The following ALPG variants were observed in gnomAD, a reference collection of about 807,000 sequenced individuals.
ALPG encodes alkaline phosphatase, germ cell, also known as alkaline phosphatase, germ cell type.
In ALPG, 32 loss-of-function variants were observed where a neutral mutation model predicts 48.6. That is an observed-to-expected ratio of 0.66 (90% CI 0.50 to 0.88). The LOEUF (loss-of-function observed/expected upper bound fraction) is 0.88. ALPG is among the 40% of genes least tolerant of loss of function. The pLI is 0.00. For synonymous variants in ALPG, 244 were observed against 308.9 expected (o/e 0.79, Z 2.20); for missense variants, 533 against 718.1 (o/e 0.74, Z 2.95).
At position 232,407,980 on chromosome 2, in the gene ALPG, A is replaced by T; in HGVS notation, c.611A>T (p.Asp204Val). Reference protein sequence around the residue: ...PASARQEGCQDIATQLISNMD... With the variant: ...PASARQEGCQVIATQLISNMD... ...TCGGCCCGCCAGGAGGGGTGCCAGGACATCGCCACGCAGCTCATCTCCAAC... is the reference window on the plus strand; with the variant it reads ...TCGGCCCGCCAGGAGGGGTGCCAGGTCATCGCCACGCAGCTCATCTCCAAC... Residue 204 changes from aspartate to valine, a missense_variant, in exon 5 of 11, where the codon GAC (aspartate) becomes GTC (valine). Physicochemically the swap from Asp to Val is radical, Grantham distance 152. Coordinates refer to ENST00000295453, the MANE Select transcript of ALPG (RefSeq NM_031313.3). 1 of 1,612,906 alleles carries T rather than the reference A, an allele frequency of 6.2e-7. No individual in the cohort carries two copies. The highest frequency in any genetic ancestry group is 8.5e-7 in the Non-Finnish European group (1 of 1,179,808).
chr2:232,406,874 G>A lies in ALPG; in HGVS notation c.-21G>A, dbSNP rs534068054. 8.7e-6 allele frequency: 14 copies of A among 1,603,452 alleles called. No individual in the cohort carries two copies. The highest frequency in any genetic ancestry group is 6.7e-5 in the East Asian group (3 of 44,842). The stretch of plus-strand genomic sequence containing the variant: ...CCATACCTGGGATTTCCGCCTCGCC[G>A]CTCTCCGACTGCTTCCAGACATGCA... On this transcript the variant is annotated 5_prime_UTR_variant, in exon 1 of 11. Coordinates refer to ENST00000295453, the MANE Select transcript of ALPG (RefSeq NM_031313.3).
chr2:232,410,403 C>CGG lies in ALPG; in HGVS notation c.*531_*532insGG. 5.9e-6 allele frequency: 1 copy of CGG among 169,836 alleles called. No individual in the cohort carries two copies. Among genetic ancestry groups the CGG allele is most frequent in the Non-Finnish European group, 1.3e-5 (1 of 79,962 alleles). The allele number at this position is 169,836 out of a possible 1,614,324, so 10.5% of individuals were successfully genotyped here. A position where few individuals can be genotyped will look rare whatever the true frequency, so the allele number is the denominator to read the frequency against. ...GGGCTTTGACACAGTCCTCTGCTGT[C>CGG]CCTCCACTGGGCTAATTCTACACCC... is the stretch of plus-strand genomic sequence containing the variant. On this transcript the variant is annotated 3_prime_UTR_variant, in exon 11 of 11. Transcript: ENST00000295453.
Position 232,407,656 on chromosome 2 carries a change from G to T in ALPG, c.363G>T (p.Gly121=), listed in dbSNP as rs1043101023. The T allele has an allele frequency of 1.2e-6, 2 of 1,613,950 alleles. No individual in the cohort carries two copies. Among genetic ancestry groups the T allele is most frequent in the African/African-American group, 1.3e-5 (1 of 75,060 alleles). Residue 121 remains glycine (G), a synonymous_variant, in exon 4 of 11, where the codon GGG becomes GGT. Transcript: ENST00000295453. ...CCACAGCCACGGCCTACCTGTGCGG[G>T]GTCAAGGGCAACTTCCAGACCATTG... ...SGATATAYLC[G]VKGNFQTIGL...
rs1339270909 is a variant in ALPG at position 232,409,414 on chromosome 2, C to G, written c.1266C>G (p.Asp422Glu). 5.9e-6 allele frequency: 9 copies of G among 1,535,098 alleles called. No homozygotes were observed. In the East Asian group the frequency reaches 2.1e-4, roughly 36 times the overall value. Reference sequence around the variant, plus strand: ...ACGGTCCAGGCTATGTGCTCAAGGACGGCGCCCGGCCGGATGTTACGGAGA... The same window carrying G: ...ACGGTCCAGGCTATGTGCTCAAGGAGGGCGCCCGGCCGGATGTTACGGAGA... The part of the protein sequence containing the change: ...YGNGPGYVLK[D>E]GARPDVTESE... Residue 422 changes from aspartate to glutamate, a missense_variant, in exon 10 of 11, where the codon GAC becomes GAG. Coordinates refer to ENST00000295453, the MANE Select transcript of ALPG (RefSeq NM_031313.3).
chr2:232,409,946 A>T lies in ALPG; in HGVS notation c.*74A>T. ...TCCCCACCTCCAGTCGTCCTGCCGG[A>T]CCTCCACCTGGAGCTGTCACCCCCG... On this transcript the variant is annotated 3_prime_UTR_variant, in exon 11 of 11. Coordinates refer to ENST00000295453, the MANE Select transcript of ALPG (RefSeq NM_031313.3). 1 of 1,466,902 alleles carries T rather than the reference A, an allele frequency of 6.8e-7. No homozygotes were observed. The highest frequency in any genetic ancestry group is 1.4e-5 in the South Asian group (1 of 71,236). The allele number at this position is 1,466,902 out of a possible 1,614,324, so 90.9% of individuals were successfully genotyped here.
rs1236965281 is a variant in ALPG at position 232,407,948 on chromosome 2, G to T, written c.579G>T (p.Val193=). The T allele has an allele frequency of 1.9e-6, 3 of 1,613,148 alleles. No homozygotes were observed. Among genetic ancestry groups the T allele is most frequent in the Admixed American group, 3.3e-5 (2 of 59,988 alleles). ...GCAACTGGTACTCGGATGCCGACGTGCCTGCCTCGGCCCGCCAGGAGGGGT... is the reference window on the plus strand; with the variant it reads ...GCAACTGGTACTCGGATGCCGACGTTCCTGCCTCGGCCCGCCAGGAGGGGT... The part of the protein sequence containing the change: ...VNRNWYSDAD[V]PASARQEGCQ... Residue 193 remains valine, a synonymous_variant, in exon 5 of 11, where the codon GTG becomes GTT. Coordinates refer to ENST00000295453, the MANE Select transcript of ALPG (RefSeq NM_031313.3).
chr2:232,410,018 C>A lies in ALPG; in HGVS notation c.*146C>A. Reference sequence around the variant, plus strand: ...GCCATGGAACCTTCCCCTCCCGGTGCACCCTGGGGACCGAGCCCTTGACAC... The same window carrying A: ...GCCATGGAACCTTCCCCTCCCGGTGAACCCTGGGGACCGAGCCCTTGACAC... On this transcript the variant is annotated 3_prime_UTR_variant, in exon 11 of 11. Transcript: ENST00000295453. The A allele has an allele frequency of 7.8e-7, 1 of 1,278,572 alleles. No homozygotes were observed. Among genetic ancestry groups the A allele is most frequent in the Non-Finnish European group, 1.0e-6 (1 of 957,226 alleles). The allele number at this position is 1,278,572 out of a possible 1,614,324, so 79.2% of individuals were successfully genotyped here. A position where few individuals can be genotyped will look rare whatever the true frequency, so the allele number is the denominator to read the frequency against.
intron 3 of ALPG, 44 bp from the exon 4 acceptor site, chr2:232,407,550 G>C (rs1697108534): frequency 2.5e-6 from 4 of 1,611,762 alleles, no homozygotes; most frequent in African/African-American, 1.3e-5. Flanking sequence ...TCAGGGTCTT[G>C]TTTGTCTGCC....
chr2:232,409,988 G>C lies in ALPG; in HGVS notation c.*116G>C. 1 of 1,404,590 alleles carries C rather than the reference G, an allele frequency of 7.1e-7. No homozygotes were observed. Among genetic ancestry groups the C allele is most frequent in the South Asian group, 1.5e-5 (1 of 67,556 alleles). The allele number at this position is 1,404,590 out of a possible 1,614,324, so 87.0% of individuals were successfully genotyped here. ...TCACCCCCGGAGTCGCCACACAGAC[G>C]TCCTGCCATGGAACCTTCCCCTCCC... On this transcript the variant is annotated 3_prime_UTR_variant, in exon 11 of 11. Coordinates refer to ENST00000295453, the MANE Select transcript of ALPG (RefSeq NM_031313.3).
rs1317319428 is a variant in ALPG at position 232,407,836 on chromosome 2, C to T, written c.476-9C>T. The T allele has an allele frequency of 6.2e-7, 1 of 1,613,520 alleles. No individual in the cohort carries two copies. Among genetic ancestry groups the T allele is most frequent in the Non-Finnish European group, 8.5e-7 (1 of 1,180,024 alleles). On this transcript the variant is annotated splice_polypyrimidine_tract_variant and intron_variant, in intron 4 of 10. Transcript: ENST00000295453. ...CTCTATCGCATATCCTGACCTCTAT[C>T]ACCCTCAGGAAAGTCAGTGGGAGTG...
rs138879395 is a variant in ALPG, at chr2:232,408,362, C to T, written c.744C>T (p.Asp248=). Residue 248 remains aspartate (D), a synonymous_variant, in exon 6 of 11, where the codon GAC becomes GAT. Transcript: ENST00000295453. ...DDYSQGGTRL[D]GKNLVQEWLA... is the part of the protein sequence containing the mutation. ...ACAGCCAAGGTGGGACCAGGCTGGA[C>T]GGGAAGAATCTGGTGCAGGAATGGC... 172 of 1,606,532 alleles carry T rather than the reference C, an allele frequency of 1.1e-4. 1 individual carries two copies. Among genetic ancestry groups the T allele is most frequent in the South Asian group, 1.0e-3 (93 of 90,706 alleles).
Position 232,410,309 on chromosome 2 carries a change from C to T in ALPG, c.*437C>T, listed in dbSNP as rs1697166114. The T allele has an allele frequency of 3.0e-5, 6 of 199,872 alleles. No homozygotes were observed. In the South Asian group the frequency reaches 5.9e-4, roughly 20 times the overall value. 12.4% of individuals were successfully genotyped at this position (199,872 alleles called of 1,614,324 possible). On this transcript the variant is annotated 3_prime_UTR_variant, in exon 11 of 11. Transcript: ENST00000295453. ...GGTGCATCAGGACGCCTTGGAGAAG[C>T]GTGGCTTCCTGCCACCCTGCAACCC...
Position 232,410,106 on chromosome 2 carries a change from T to G in ALPG, c.*234T>G. The G allele has an allele frequency of 1.5e-6, 1 of 653,580 alleles. No homozygotes were observed. Among genetic ancestry groups the G allele is most frequent in the African/African-American group, 1.8e-5 (1 of 54,258 alleles). The allele number at this position is 653,580 out of a possible 1,614,324, so 40.5% of individuals were successfully genotyped here. A position where few individuals can be genotyped will look rare whatever the true frequency, so the allele number is the denominator to read the frequency against. ...CCCAACTCCAGGGACTGGGGATTTG[T>G]GCCTGGCAGCTGCCTGCATTTCAGG... On this transcript the variant is annotated 3_prime_UTR_variant, in exon 11 of 11. Transcript: ENST00000295453.
In ALPG at chr2:232,409,638, C is replaced by G; in HGVS notation, c.1365C>G (p.Asp455Glu). Residue 455 changes from aspartate (D) to glutamate (E), a missense_variant, in exon 11 of 11, where the codon GAC (aspartate) becomes GAG (glutamate). Physicochemically the swap from Asp to Glu is conservative, Grantham distance 45. This residue lies in a region of ALPG where 145 missense variants were observed against 174.3 expected (regional missense o/e 0.83). Coordinates refer to ENST00000295453, the MANE Select transcript of ALPG (RefSeq NM_031313.3). ...ACGGAGAGACCCACGCAGGCGAGGACGTGGCGGTGTTCGCGCGCGGCCCGC... is the reference window on the plus strand; with the variant it reads ...ACGGAGAGACCCACGCAGGCGAGGAGGTGGCGGTGTTCGCGCGCGGCCCGC... ...PLDGETHAGE[D>E]VAVFARGPQA... 1 of 1,612,452 alleles carries G rather than the reference C, an allele frequency of 6.2e-7. No individual in the cohort carries two copies. The highest frequency in any genetic ancestry group is 8.5e-7 in the Non-Finnish European group (1 of 1,179,652).
chr2:232,410,069 T>G lies in ALPG; in HGVS notation c.*197T>G, dbSNP rs575876557. 46 of 912,352 alleles carry G rather than the reference T, an allele frequency of 5.0e-5. No homozygotes were observed. Among genetic ancestry groups the G allele is most frequent in the Non-Finnish European group, 7.3e-5 (46 of 628,022 alleles). The allele number at this position is 912,352 out of a possible 1,614,324, so 56.5% of individuals were successfully genotyped here. On this transcript the variant is annotated 3_prime_UTR_variant, in exon 11 of 11. Coordinates refer to ENST00000295453, the MANE Select transcript of ALPG (RefSeq NM_031313.3). ...CACGCCCTTTGCTTTATCTTGCTCT[T>G]GAAATTTTGGCCCCAACTCCAGGGA...
rs1482836390 is a variant in ALPG, at chr2:232,407,078, T to A, written c.89T>A (p.Phe30Tyr). ...CCAGTTGAGGAGGAGAACCCGGACT[T>A]CTGGAACCGCCAGGCAGCCGAGGCC... ...IIPVEEENPD[F>Y]WNRQAAEALG... The change falls in exon 2 of 11, where the codon TTC (phenylalanine) becomes TAC (tyrosine). Residue 30 changes from phenylalanine (F) to tyrosine (Y), a missense_variant. Physicochemically the swap from Phe to Tyr is conservative, Grantham distance 22 (BLOSUM62 3). Transcript: ENST00000295453. 10 of 1,613,782 alleles carry A rather than the reference T, an allele frequency of 6.2e-6. No individual in the cohort carries two copies. Among genetic ancestry groups the A allele is most frequent in the Non-Finnish European group, 8.5e-6 (10 of 1,179,968 alleles).
Position 232,409,960 on chromosome 2 carries a change from C to T in ALPG, c.*88C>T. 1 of 1,456,948 alleles carries T rather than the reference C, an allele frequency of 6.9e-7. No individual in the cohort carries two copies. The highest frequency in any genetic ancestry group is 9.0e-7 in the Non-Finnish European group (1 of 1,109,434). 90.3% of individuals were successfully genotyped at this position (1,456,948 alleles called of 1,614,324 possible). On this transcript the variant is annotated 3_prime_UTR_variant, in exon 11 of 11. Coordinates refer to ENST00000295453, the MANE Select transcript of ALPG (RefSeq NM_031313.3). ...CGTCCTGCCGGACCTCCACCTGGAG[C>T]TGTCACCCCCGGAGTCGCCACACAG...
rs564544259 is a variant in ALPG at position 232,407,876 on chromosome 2, G to A, written c.507G>A (p.Arg169=). Residue 169 remains arginine, a synonymous_variant, in exon 5 of 11, where the codon CGG becomes CGA. Coordinates refer to ENST00000295453, the MANE Select transcript of ALPG (RefSeq NM_031313.3). ...CAGTGGGAGTGGTAACCACCACACGGGTGCAGCATGCCTCGCCAGCCGGCG... is the reference window on the plus strand; with the variant it reads ...CAGTGGGAGTGGTAACCACCACACGAGTGCAGCATGCCTCGCCAGCCGGCG... The part of the protein sequence containing the change: ...GKSVGVVTTT[R]VQHASPAGAY... The A allele has an allele frequency of 9.3e-6, 15 of 1,613,500 alleles. No individual in the cohort carries two copies. The highest frequency in any genetic ancestry group is 4.5e-5 in the East Asian group (2 of 44,888).
rs373661954 is a variant in ALPG, at chr2:232,407,276, G to A, written c.185-10G>A. 1 of 1,613,840 alleles carries A rather than the reference G, an allele frequency of 6.2e-7. No homozygotes were observed. Among genetic ancestry groups the A allele is most frequent in the Non-Finnish European group, 8.5e-7 (1 of 1,180,018 alleles). ...TGGGGAGCAAGCCTCACACACTTCT[G>A]CTCCTTCAGGGATGGGGGTGTCTAC... On this transcript the variant is annotated splice_polypyrimidine_tract_variant and intron_variant, in intron 2 of 10. Transcript: ENST00000295453.
Sources: gnomAD v4.1 joint callset for allele counts on GRCh38, gnomAD v4.1.1 for gene constraint, gnomAD v4.1.1 regional missense constraint, MANE v1.5 for transcripts, NCBI Gene and HGNC (gene_info 2026-07-23, HGNC 2026-07-21) for gene names.